Variants in BLTP1 observed in about 807,000 individuals in gnomAD.
BLTP1 encodes the protein fragile site-associated protein.
At chr4:122,166,149 A>G in the BLTP1 span, among the ~76,000 whole-genome samples, 57,853 of 151,930 alleles carry the variant, frequency 0.38, 11,041 homozygotes, top group Middle Eastern at 0.59. Context: ...ATCCTTGCCC[A>G]TGCCTATGTC....
At chr4:122,169,679 A>G in the BLTP1 span, 1 of 963,838 alleles carries the variant, frequency 1.0e-6, no homozygotes, top group Non-Finnish European at 1.2e-6. Flanking sequence ...ATACATATAC[A>G]CACATATCTA....
At chr4:122,209,676 A>G in the BLTP1 span, 1 of 1,077,794 alleles carries the variant, frequency 9.3e-7, no homozygotes. Context: ...AAATAAAATT[A>G]GTGACAAGTA....
chr4:122,263,488 T>C, the BLTP1 span: 14 of 1,610,982 alleles, frequency 8.7e-6, no homozygotes, highest in African/African-American at 1.6e-4. Flanking sequence ...CCTTGCTATC[T>C]GAGCCATCAT....
chr4:122,250,343 CTTTTTT>C, the BLTP1 span: 1 of 1,571,634 alleles, frequency 6.4e-7, no homozygotes, highest in Non-Finnish European at 8.7e-7. Flanking sequence ...ATAATAAATG[CTTTTTT>C]TTATTTTTAT....
chr4:122,256,449 G>A, the BLTP1 span, among the ~76,000 whole-genome samples: 5,465 of 152,248 alleles, frequency 0.036, 343 homozygotes, highest in African/African-American at 0.12. Context: ...CAACATGGCC[G>A]TCATGCAAGG....
chr4:122,170,634 GA>G, the BLTP1 span: 24 of 1,548,868 alleles, frequency 1.5e-5, no homozygotes, highest in Non-Finnish European at 2.0e-5. Flanking sequence ...TGTTGTTCTG[GA>G]AAAACTTTAG....
chr4:122,344,148 T>C, the BLTP1 span: 6 of 411,192 alleles, frequency 1.5e-5, no homozygotes, highest in South Asian at 5.0e-4. Context: ...AATTCTAGTT[T>C]CTATTGTTGG....
At chr4:122,256,731 T>C in the BLTP1 span, 1 of 237,236 alleles carries the variant, frequency 4.2e-6, no homozygotes, top group African/African-American at 2.3e-5. Flanking sequence ...ACTATATAAT[T>C]ATTACTGATA....
chr4:122,337,126 G>C, the BLTP1 span: 1 of 1,014,982 alleles, frequency 9.9e-7, no homozygotes, highest in Non-Finnish European at 1.5e-6. Flanking sequence ...TTAACCTCAG[G>C]TTCATGAACC....
chr4:122,271,550 G>C, the BLTP1 span: 1 of 1,613,380 alleles, frequency 6.2e-7, no homozygotes, highest in East Asian at 2.2e-5. Flanking sequence ...TTCAAAAGAT[G>C]TGGTGGATCA....
the BLTP1 span, chr4:122,340,884 A>G: frequency 1.1e-6 from 1 of 913,642 alleles, no homozygotes; most frequent in Non-Finnish European, 1.3e-6. Context: ...TTTATCCTAG[A>G]TAACTAGTGT....
At chr4:122,287,991 T>G in the BLTP1 span, among the ~76,000 whole-genome samples, 1 of 152,080 alleles carries the variant, frequency 6.6e-6, no homozygotes. Flanking sequence ...GGTATAAGTT[T>G]GTAACGAGGT....
the BLTP1 span, among the ~76,000 whole-genome samples, chr4:122,196,424 A>G: frequency 3.3e-5 from 5 of 152,162 alleles, no homozygotes; most frequent in Non-Finnish European, 7.4e-5. Flanking sequence ...GAATAGTGCA[A>G]ATTTTCTCTT....
chr4:122,190,060 C>T, the BLTP1 span: 1 of 1,613,076 alleles, frequency 6.2e-7, no homozygotes, highest in Non-Finnish European at 8.5e-7. Flanking sequence ...TTGACATCTA[C>T]TACTACATGG....
At chr4:122,238,840 T>G in the BLTP1 span, among the ~76,000 whole-genome samples, 1 of 152,204 alleles carries the variant, frequency 6.6e-6, no homozygotes, top group South Asian at 2.1e-4. Flanking sequence ...TAGCCTGCCC[T>G]TTGTTGAACA....
chr4:122,243,773 A>G, the BLTP1 span: 3 of 1,384,542 alleles, frequency 2.2e-6, no homozygotes, highest in Non-Finnish European at 2.8e-6. Context: ...TAATGAATGC[A>G]TGTGTTCACT....
the BLTP1 span, among the ~76,000 whole-genome samples, chr4:122,236,233 A>G: frequency 6.6e-6 from 1 of 152,124 alleles, no homozygotes; most frequent in Non-Finnish European, 1.5e-5. Context: ...TTCCTAAATG[A>G]TTTTTTTACT....
chr4:122,220,655 A>G, the BLTP1 span, among the ~76,000 whole-genome samples: 3 of 152,132 alleles, frequency 2.0e-5, no homozygotes, highest in South Asian at 2.1e-4. Context: ...AAGAATCTCA[A>G]TTTTCTTTTG....
chr4:122,352,722 C>A, the BLTP1 span: 1 of 224,674 alleles, frequency 4.5e-6, no homozygotes, highest in Non-Finnish European at 7.4e-6. Flanking sequence ...TATCCATCCT[C>A]ATGCAGCATC....
Sources: gnomAD v4.1 joint callset for allele counts (sites outside exome capture counted in the v4.1 genomes callset) on GRCh38, gnomAD v4.1.1 for gene constraint, MANE v1.5 for transcripts, NCBI Gene and HGNC (gene_info 2026-07-23, HGNC 2026-07-21) for gene names.